Variants in VIT observed in about 807,000 individuals in gnomAD.
VIT encodes the protein vitrin.
A neutral mutation model predicts 78.0 loss-of-function variants in VIT; 99 were observed. The ratio of observed to expected loss-of-function variants is 1.27; its 90% CI spans 1.08 to 1.50. The LOEUF (loss-of-function observed/expected upper bound fraction) is 1.50. Ranked by LOEUF, VIT falls within the 40% of genes most tolerant of loss-of-function variation. VIT has a pLI of 0.00. For synonymous variants in VIT, 374 were observed against 334.3 expected, an observed-to-expected ratio of 1.12 and a Z score of -1.29; for missense variants, 1,126 against 875.3, an observed-to-expected ratio of 1.29 and a Z score of -3.61.
In VIT at chr2:36,787,219, T is replaced by C. The variant is rs760999953; in HGVS notation, c.1001T>C (p.Val334Ala). ...ATCCAGAAGCAGCTCCTGGCTGATG[T>C]TGCCCAAGCTCTTGACATTGGCCCT... ...FRIQKQLLADVAQALDIGPAG... is the reference protein window; with the variant it reads ...FRIQKQLLADAAQALDIGPAG... Residue 334 changes from valine to alanine, a missense_variant, in exon 12 of 16, where the codon GTT becomes GCT. Transcript: ENST00000379242. The C allele has an allele frequency of 3.7e-6, 6 of 1,614,108 alleles. No homozygotes were observed. The African/African-American group carries it at 8.0e-5, about 22-fold the overall frequency.
chr2:36,802,001 C>G (rs769967415), intron 13 of VIT, among the ~76,000 whole-genome samples: 5 of 152,226 alleles, frequency 3.3e-5, no homozygotes, highest in African/African-American at 4.8e-5. Flanking sequence ...AATTTTGTGA[C>G]CAGTTAAGGA....
intron 3 of VIT, among the ~76,000 whole-genome samples, chr2:36,736,585 T>G (rs1667521518): frequency 6.6e-6 from 1 of 152,222 alleles, no homozygotes; most frequent in Non-Finnish European, 1.5e-5. Flanking sequence ...GATCACATTA[T>G]GCAGATGGGA....
chr2:36,758,787 C>G (rs1478255141), intron 5 of VIT, among the ~76,000 whole-genome samples, 182 bp from the exon 6 acceptor site: 6 of 152,164 alleles, frequency 3.9e-5, no homozygotes, highest in Non-Finnish European at 8.8e-5. Context: ...AAAACACAAG[C>G]TATACAGGAA....
At chr2:36,780,431 G>A (rs1664670244) in intron 9 of VIT, among the ~76,000 whole-genome samples, 1 of 152,212 alleles carries the variant, frequency 6.6e-6, no homozygotes, top group Admixed American at 6.5e-5. Flanking sequence ...TGGCGATAAA[G>A]TAATAAGGCT....
At chr2:36,758,465 C>G (rs577633196) in intron 5 of VIT, among the ~76,000 whole-genome samples, 1 of 152,198 alleles carries the variant, frequency 6.6e-6, no homozygotes. Flanking sequence ...CGTGTCTCCC[C>G]CTGGGTGAGC....
At chr2:36,743,387 T>A (rs1297603268) in intron 4 of VIT, 131 bp downstream of exon 4, 2 of 1,062,956 alleles carry the variant, frequency 1.9e-6, no homozygotes, top group Non-Finnish European at 2.6e-6. Context: ...TTATTTAATC[T>A]TCATTTAAAA....
chr2:36,791,318 T>A (rs946517997), intron 12 of VIT, among the ~76,000 whole-genome samples: 3 of 152,146 alleles, frequency 2.0e-5, no homozygotes, highest in Non-Finnish European at 4.4e-5. Flanking sequence ...CAGAGCAGCT[T>A]CCATAGGTCG....
At chr2:36,799,843 T>G (rs1666186651) in intron 12 of VIT, among the ~76,000 whole-genome samples, 1 of 148,752 alleles carries the variant, frequency 6.7e-6, no homozygotes, top group Non-Finnish European at 1.5e-5. Context: ...AGGTGAGGAG[T>G]TGGAGACCAG....
chr2:36,747,167 T>C (rs1668185031), intron 4 of VIT, among the ~76,000 whole-genome samples: 1 of 152,194 alleles, frequency 6.6e-6, no homozygotes, highest in African/African-American at 2.4e-5. Context: ...AAGAGTATGA[T>C]TGGTGTGATT....
At chr2:36,768,745 G>T (rs1264101571) in intron 7 of VIT, among the ~76,000 whole-genome samples, 1 of 152,148 alleles carries the variant, frequency 6.6e-6, no homozygotes, top group Non-Finnish European at 1.5e-5. Flanking sequence ...GCACATTTTG[G>T]CATGATTAGT....
chr2:36,809,990 CAAAAAAAAA>C (rs36123287), intron 15 of VIT, among the ~76,000 whole-genome samples: 55 of 100,772 alleles, frequency 5.5e-4, no homozygotes, highest in African/African-American at 2.4e-3. Context: ...GATCCTGTCT[CAAAAAAAAA>C]AAAAAAAAAG....
intron 13 of VIT, among the ~76,000 whole-genome samples, chr2:36,802,544 T>C (rs796142555): frequency 1.4e-4 from 21 of 152,352 alleles, no homozygotes; most frequent in African/African-American, 5.1e-4. Context: ...TTTTCACCTT[T>C]GAACAATGCT....
chr2:36,718,409 C>A (rs1666297013), intron 2 of VIT, among the ~76,000 whole-genome samples: 1 of 152,144 alleles, frequency 6.6e-6, no homozygotes, highest in South Asian at 2.1e-4. Flanking sequence ...ACTCCACCAT[C>A]AACTTGCCAA....
At chr2:36,722,396 A>G (rs1188102316) in intron 2 of VIT, among the ~76,000 whole-genome samples, 3 of 152,176 alleles carry the variant, frequency 2.0e-5, no homozygotes, top group Non-Finnish European at 4.4e-5. Flanking sequence ...TGACCTCCAA[A>G]GCTCCTCCTA....
Position 36,814,258 on chromosome 2 carries a change from G to A in VIT, c.1979G>A (p.Arg660Lys). The change falls in exon 16 of 16, where the codon AGA becomes AAA. Residue 660 changes from arginine to lysine, a missense_variant. By Grantham distance (26) the Arg-to-Lys change is conservative. Transcript: ENST00000379242. Reference sequence around the variant, plus strand: ...GAAGTCATTGCCACTCACCCCGCCAGAGACCACTCCTTCTTTGTGGACGAG... The same window carrying A: ...GAAGTCATTGCCACTCACCCCGCCAAAGACCACTCCTTCTTTGTGGACGAG... ...ELEVIATHPARDHSFFVDEFD... is the reference protein window; with the variant it reads ...ELEVIATHPAKDHSFFVDEFD... The A allele has an allele frequency of 6.2e-7, 1 of 1,614,240 alleles. No individual in the cohort carries two copies. Among genetic ancestry groups the A allele is most frequent in the Middle Eastern group, 1.6e-4 (1 of 6,062 alleles).
At chr2:36,811,199 C>T (rs185828524) in intron 15 of VIT, among the ~76,000 whole-genome samples, 33 of 152,234 alleles carry the variant, frequency 2.2e-4, no homozygotes, top group Admixed American at 9.8e-4. Context: ...AGATTGAAGA[C>T]GGATTAAGGC....
chr2:36,782,797 G>A (rs1324379708), intron 10 of VIT, among the ~76,000 whole-genome samples: 3 of 152,156 alleles, frequency 2.0e-5, no homozygotes, highest in Admixed American at 6.5e-5. Context: ...CACCTGGGAG[G>A]GAGGAGTTGC....
At chr2:36,772,594 C>G (rs1185760022) in intron 7 of VIT, among the ~76,000 whole-genome samples, 3 of 152,102 alleles carry the variant, frequency 2.0e-5, no homozygotes, top group African/African-American at 7.2e-5. Context: ...GTAGTCTCAG[C>G]TACTCAGGAG....
At chr2:36,784,329 C>T (rs1664953634) in intron 11 of VIT, among the ~76,000 whole-genome samples, 1 of 152,194 alleles carries the variant, frequency 6.6e-6, no homozygotes, top group African/African-American at 2.4e-5. Flanking sequence ...CATCTTCCTG[C>T]CTCATACCTA....
Sources: gnomAD v4.1 joint callset for allele counts (sites outside exome capture counted in the v4.1 genomes callset) on GRCh38, gnomAD v4.1.1 for gene constraint, MANE v1.5 for transcripts, NCBI Gene and HGNC (gene_info 2026-07-23, HGNC 2026-07-21) for gene names.